IGSF21: variants seen among roughly 807,000 people sequenced by gnomAD.
IGSF21 encodes immunoglobin superfamily member 21, also known as immunoglobulin superfamily member 21.
A neutral mutation model predicts 46.8 loss-of-function variants in IGSF21; 28 were observed. That is an observed-to-expected ratio of 0.60 (90% CI 0.44 to 0.82). The LOEUF (loss-of-function observed/expected upper bound fraction) is 0.82, where lower values mean the gene tolerates loss of function less well. Ranked by LOEUF, IGSF21 falls within the 40% of genes least tolerant of loss-of-function variation. The probability of loss-of-function intolerance (pLI) is 0.00; values close to 1 mark genes in which losing one functional copy is unlikely to be tolerated. For missense variants in IGSF21, 624 were observed against 665.5 expected, an observed-to-expected ratio of 0.94 and a Z score of 0.69; for synonymous variants, 284 against 273.6, an observed-to-expected ratio of 1.04 and a Z score of -0.38.
At chr1:18,156,987 G>C (rs1035664035) in intron 1 of IGSF21, among the ~76,000 whole-genome samples, 8 of 152,190 alleles carry the variant, frequency 5.3e-5, no homozygotes. Context: ...AGCCAGGCAT[G>C]GTGGTAGGCA....
rs552994189 is a variant in IGSF21, at chr1:18,184,469, C to G, written c.71-43429C>G. 2.0e-5 allele frequency among the ~76,000 whole-genome samples: 3 copies of G among 152,336 alleles called. No homozygotes were observed. The South Asian group carries it at 6.2e-4, about 32-fold the overall frequency. Reference sequence around the variant, plus strand: ...AATCTTTCCTCGTAAATTAATCCCTCTGAACCTTTAATCATTTTCCTCGAA... The same window carrying G: ...AATCTTTCCTCGTAAATTAATCCCTGTGAACCTTTAATCATTTTCCTCGAA... On this transcript the variant is annotated intron_variant, in intron 1 of 9. Transcript: ENST00000251296.
chr1:18,282,152 G>A (rs1276167831), intron 2 of IGSF21, among the ~76,000 whole-genome samples: 1 of 152,148 alleles, frequency 6.6e-6, no homozygotes, highest in East Asian at 1.9e-4. Flanking sequence ...AGAGACCCTG[G>A]TGAGGAGTGG....
At chr1:18,245,167 T>C (rs1450232421) in intron 2 of IGSF21, among the ~76,000 whole-genome samples, 2 of 152,248 alleles carry the variant, frequency 1.3e-5, no homozygotes, top group African/African-American at 4.8e-5. Context: ...ACATTGCATA[T>C]GATACTTCCT....
chr1:18,266,042 A>T (rs1475626437), intron 2 of IGSF21, among the ~76,000 whole-genome samples: 1 of 152,204 alleles, frequency 6.6e-6, no homozygotes, highest in African/African-American at 2.4e-5. Flanking sequence ...GAACGTGCAG[A>T]TGAGGTGGGA....
intron 1 of IGSF21, among the ~76,000 whole-genome samples, chr1:18,118,104 G>A (rs185886112): frequency 1.3e-5 from 2 of 152,276 alleles, no homozygotes; most frequent in Admixed American, 6.5e-5. Context: ...CTTGGGAGTC[G>A]CCACGGAGAG....
At chr1:18,297,504 C>T (rs567621903) in intron 3 of IGSF21, among the ~76,000 whole-genome samples, 64 of 152,146 alleles carry the variant, frequency 4.2e-4, no homozygotes, top group African/African-American at 1.4e-3. Context: ...AGACACACTA[C>T]AAAAATGCCT....
At chr1:18,192,968 C>T (rs529013833) in intron 1 of IGSF21, among the ~76,000 whole-genome samples, 5 of 151,934 alleles carry the variant, frequency 3.3e-5, no homozygotes, top group Non-Finnish European at 7.4e-5. Flanking sequence ...AATAAGGCAA[C>T]ACTGGAATCC....
At chr1:18,279,012 C>A (rs533335321) in intron 2 of IGSF21, 9 of 424,678 alleles carry the variant, frequency 2.1e-5, no homozygotes, top group African/African-American at 1.4e-4. Context: ...TGTCTCTGAG[C>A]CTCATCTGTC....
intron 2 of IGSF21, among the ~76,000 whole-genome samples, chr1:18,238,662 C>G (rs1387725149): frequency 1.3e-5 from 2 of 152,112 alleles, no homozygotes; most frequent in African/African-American, 4.8e-5. Flanking sequence ...ACCCAAATAA[C>G]CAGGTGTTTT....
At chr1:18,258,985 T>C (rs2084916488) in intron 2 of IGSF21, among the ~76,000 whole-genome samples, 1 of 152,142 alleles carries the variant, frequency 6.6e-6, no homozygotes, top group Non-Finnish European at 1.5e-5. Context: ...CTTTTTTCCC[T>C]CTCTCTCCCT....
chr1:18,199,465 C>T (rs1192728917), intron 1 of IGSF21, among the ~76,000 whole-genome samples: 5 of 152,294 alleles, frequency 3.3e-5, no homozygotes, highest in South Asian at 2.1e-4. Flanking sequence ...ATCCAGGCGC[C>T]CCTCGGATCC....
At chr1:18,270,822 GTCAC>G (rs578222361) in intron 2 of IGSF21, among the ~76,000 whole-genome samples, 2 of 151,906 alleles carry the variant, frequency 1.3e-5, no homozygotes, top group Non-Finnish European at 1.5e-5. Context: ...CATCAAGGCT[GTCAC>G]TCACTCTCCT....
At chr1:18,152,110 A>G (rs1294363748) in intron 1 of IGSF21, among the ~76,000 whole-genome samples, 1 of 152,194 alleles carries the variant, frequency 6.6e-6, no homozygotes, top group African/African-American at 2.4e-5. Context: ...GGCCTGGCAC[A>G]TTAGAGGTGC....
intron 2 of IGSF21, among the ~76,000 whole-genome samples, chr1:18,272,606 C>T (rs1000613638): frequency 5.3e-5 from 8 of 152,328 alleles, no homozygotes; most frequent in Admixed American, 3.3e-4. Flanking sequence ...CATGTGACCG[C>T]GACAGCCCCT....
intron 1 of IGSF21, among the ~76,000 whole-genome samples, chr1:18,176,455 C>T (rs1012183749): frequency 1.3e-5 from 2 of 152,180 alleles, no homozygotes; most frequent in Non-Finnish European, 2.9e-5. Context: ...CCTCCTTGAA[C>T]CTTAGGGGTC....
intron 1 of IGSF21, among the ~76,000 whole-genome samples, chr1:18,123,393 C>G (rs577216737): frequency 6.6e-6 from 1 of 152,364 alleles, no homozygotes; most frequent in African/African-American, 2.4e-5. Context: ...AGCAGCCCTG[C>G]ACCAAGCATC....
rs1439817653 is a variant in IGSF21 at position 18,365,395 on chromosome 1, G to C, written c.713G>C (p.Gly238Ala). Reference sequence around the variant, plus strand: ...TCCCTCCTGGACGCCGAGAACCGGGGTGGGCGACCCTACACGGAGCGCCCC... The same window carrying C: ...TCCCTCCTGGACGCCGAGAACCGGGCTGGGCGACCCTACACGGAGCGCCCC... The part of the protein sequence containing the change: ...SLSLLDAENR[G>A]GRPYTERPSR... The change falls in exon 6 of 10, where the codon GGT (glycine) becomes GCT (alanine). Residue 238 changes from glycine (G) to alanine (A), a missense_variant. By Grantham distance (60) the Gly-to-Ala change is moderately conservative. Transcript: ENST00000251296. The surrounding 1 kb of genome is among the most constrained non-coding windows in gnomAD (Gnocchi z 4.8). The C allele has an allele frequency of 6.2e-7, 1 of 1,613,864 alleles. No individual in the cohort carries two copies.
intron 4 of IGSF21, among the ~76,000 whole-genome samples, chr1:18,343,709 C>T (rs1485503284): frequency 2.6e-5 from 4 of 152,224 alleles, no homozygotes; most frequent in Non-Finnish European, 5.9e-5. Context: ...TATTCTATCC[C>T]CATTGAATTA....
chr1:18,253,261 G>C (rs914412185), intron 2 of IGSF21, among the ~76,000 whole-genome samples: 3 of 152,234 alleles, frequency 2.0e-5, no homozygotes, highest in Non-Finnish European at 4.4e-5. Flanking sequence ...GCCAGGGGGG[G>C]CCTCAGCAAA....
Sources: allele counts gnomAD v4.1 joint callset (sites outside exome capture counted in the v4.1 genomes callset), GRCh38; gene constraint gnomAD v4.1.1; non-coding constraint Gnocchi (gnomAD v3.1); transcripts MANE v1.5; gene names NCBI Gene and HGNC (gene_info 2026-07-23, HGNC 2026-07-21).